Variants in CDK19 observed in about 807,000 individuals in gnomAD.
CDK19 encodes the protein cyclin-dependent kinase 19.
A neutral mutation model predicts 68.3 loss-of-function variants in CDK19; 20 were observed. That is an observed-to-expected ratio of 0.29 (90% CI 0.21 to 0.43). The LOEUF is 0.43. Ranked by LOEUF, CDK19 falls within the 20% of genes least tolerant of loss-of-function variation. The pLI is 1.00. For missense variants in CDK19, 339 were observed against 623.5 expected (o/e 0.54, Z 4.86); for synonymous variants, 221 against 222.8 (o/e 0.99, Z 0.07).
At chr6:110,661,481 G>A (rs1781615237) in intron 4 of CDK19, among the ~76,000 whole-genome samples, 1 of 151,840 alleles carries the variant, frequency 6.6e-6, no homozygotes. Flanking sequence ...TCACTATGTT[G>A]CCAGACAGGT....
chr6:110,790,391 C>A (rs117005936), intron 1 of CDK19, among the ~76,000 whole-genome samples: 4,029 of 151,972 alleles, frequency 0.027, 81 homozygotes, highest in South Asian at 0.084. Context: ...AAAAATTAGC[C>A]CAGCGTGGTG....
intron 2 of CDK19, among the ~76,000 whole-genome samples, chr6:110,727,763 G>C (rs1369791722): frequency 6.6e-6 from 1 of 151,096 alleles, no homozygotes; most frequent in East Asian, 2.0e-4. Flanking sequence ...GCTTGAGCCC[G>C]GAAGTTTGAG....
intron 5 of CDK19, among the ~76,000 whole-genome samples, chr6:110,636,769 G>A (rs1398852404): frequency 6.6e-6 from 1 of 152,122 alleles, no homozygotes; most frequent in Non-Finnish European, 1.5e-5. Flanking sequence ...AAAACAAGAT[G>A]GATATAAGAT....
intron 12 of CDK19, among the ~76,000 whole-genome samples, chr6:110,619,395 G>A (rs1399217841): frequency 6.6e-6 from 1 of 152,114 alleles, no homozygotes; most frequent in African/African-American, 2.4e-5. Flanking sequence ...TTTGGGTAAA[G>A]AAAGGCAGGT....
intron 4 of CDK19, among the ~76,000 whole-genome samples, chr6:110,665,124 T>C (rs1781843775): frequency 6.6e-6 from 1 of 152,198 alleles, no homozygotes; most frequent in Non-Finnish European, 1.5e-5. Flanking sequence ...ATTTCAAAGT[T>C]CTTGAGCAGG....
chr6:110,635,687 G>A (rs1340858181), intron 5 of CDK19, among the ~76,000 whole-genome samples: 4 of 151,978 alleles, frequency 2.6e-5, no homozygotes, highest in Non-Finnish European at 4.4e-5. Flanking sequence ...TTACAGGCAC[G>A]CACCACCACG....
chr6:110,793,214 C>A (rs1294018182), intron 1 of CDK19, among the ~76,000 whole-genome samples: 4 of 151,940 alleles, frequency 2.6e-5, no homozygotes, highest in Admixed American at 6.6e-5. Flanking sequence ...CCAAAAAATA[C>A]TGTTTATTCA....
chr6:110,685,352 A>G (rs1772384739), intron 2 of CDK19, among the ~76,000 whole-genome samples: 1 of 152,210 alleles, frequency 6.6e-6, no homozygotes, highest in Non-Finnish European at 1.5e-5. Context: ...TTTAGAAAGA[A>G]CTCATTTATC....
At chr6:110,754,628 C>T (rs753287775) in intron 1 of CDK19, among the ~76,000 whole-genome samples, 15 of 151,804 alleles carry the variant, frequency 9.9e-5, no homozygotes, top group East Asian at 1.9e-4. Flanking sequence ...TACAGGCACG[C>T]GCAACCATGC....
intron 4 of CDK19, among the ~76,000 whole-genome samples, chr6:110,648,987 C>A (rs988275442): frequency 2.6e-5 from 4 of 152,148 alleles, no homozygotes; most frequent in African/African-American, 9.7e-5. Flanking sequence ...GCTGGGATTA[C>A]AGGCATGGGC....
intron 2 of CDK19, among the ~76,000 whole-genome samples, chr6:110,742,848 C>T (rs1051940502): frequency 3.9e-5 from 6 of 152,138 alleles, no homozygotes; most frequent in Non-Finnish European, 8.8e-5. Context: ...GACATAGACC[C>T]TCATCAGTAA....
At chr6:110,676,138 G>A (rs572051027) in intron 2 of CDK19, among the ~76,000 whole-genome samples, 72 of 152,242 alleles carry the variant, frequency 4.7e-4, no homozygotes, top group Admixed American at 3.8e-3. Flanking sequence ...CAACCCTCAT[G>A]GATAATTTTG....
At chr6:110,674,074 T>C (rs1303283974) in intron 2 of CDK19, among the ~76,000 whole-genome samples, 3 of 152,224 alleles carry the variant, frequency 2.0e-5, no homozygotes, top group Non-Finnish European at 2.9e-5. Context: ...TCTTACAACA[T>C]TTAAAACTTT....
At chr6:110,741,974 T>C (rs1046487954) in intron 2 of CDK19, among the ~76,000 whole-genome samples, 8 of 152,012 alleles carry the variant, frequency 5.3e-5, no homozygotes, top group Admixed American at 5.2e-4. Flanking sequence ...GTAGCTCAAA[T>C]CCACACAAAA....
chr6:110,811,881 AT>A (rs35714459), intron 1 of CDK19, among the ~76,000 whole-genome samples: 13,143 of 141,640 alleles, frequency 0.093, 914 homozygotes, highest in African/African-American at 0.21. Context: ...TTTAAACCGG[AT>A]TTTTTTTTTT....
chr6:110,633,372 A>C (rs1779568421), intron 5 of CDK19, among the ~76,000 whole-genome samples: 1 of 152,182 alleles, frequency 6.6e-6, no homozygotes, highest in Admixed American at 6.5e-5. Context: ...TTCTGCATTC[A>C]ATGACAGCAT....
At chr6:110,799,454 C>T (rs1361379811) in intron 1 of CDK19, among the ~76,000 whole-genome samples, 3 of 152,110 alleles carry the variant, frequency 2.0e-5, no homozygotes, top group Non-Finnish European at 4.4e-5. Context: ...TATAAAATGG[C>T]ACAGTATTTG....
chr6:110,699,286 G>A (rs1486477274), intron 2 of CDK19, among the ~76,000 whole-genome samples: 5 of 151,910 alleles, frequency 3.3e-5, no homozygotes, highest in African/African-American at 7.3e-5. Context: ...TTAGCTGGTT[G>A]TGGTGGTGCA....
At chr6:110,703,032 G>A (rs1774140158) in intron 2 of CDK19, among the ~76,000 whole-genome samples, 1 of 152,068 alleles carries the variant, frequency 6.6e-6, no homozygotes, top group East Asian at 1.9e-4. Context: ...ATGTTGCTCT[G>A]TATTTTTCAA....
Sources: allele counts gnomAD v4.1 joint callset (sites outside exome capture counted in the v4.1 genomes callset), GRCh38; gene constraint gnomAD v4.1.1; transcripts MANE v1.5; gene names NCBI Gene and HGNC (gene_info 2026-07-23, HGNC 2026-07-21).